Variants in GAP43 observed in about 807,000 individuals in gnomAD.
GAP43 encodes neuromodulin.
In GAP43, 6 loss-of-function variants were observed where a neutral mutation model predicts 18.6. That is an observed-to-expected ratio of 0.32 (90% CI 0.18 to 0.64). GAP43 has a LOEUF of 0.64. Among genes scored for constraint, GAP43 ranks in the 30% least tolerant of loss-of-function variants. GAP43 has a pLI of 0.78. For synonymous variants in GAP43, 115 were observed against 111.4 expected (o/e 1.03, Z -0.20); for missense variants, 292 against 295.5 (o/e 0.99, Z 0.09).
At position 115,676,243 on chromosome 3, in the gene GAP43, T is replaced by TGCC. The variant is rs748693729; in HGVS notation, c.263_265dup (p.Ala88dup). On this transcript the variant is annotated inframe_insertion, in exon 2 of 3. Transcript: ENST00000305124. ...AGAAGAAGGGAGAAGGCACCACTAC[T>TGCC]GCCGAAGCAGCCCCAGCCACTGGCT... 9 of 1,613,978 alleles carry TGCC rather than the reference T, an allele frequency of 5.6e-6. No homozygotes were observed. The highest frequency in any genetic ancestry group is 7.6e-6 in the Non-Finnish European group (9 of 1,180,026).
intron 1 of GAP43, chr3:115,663,669 T>C: frequency 6.9e-7 from 1 of 1,441,364 alleles, no homozygotes; most frequent in Non-Finnish European, 9.1e-7. Context: ...ATTTTATTTC[T>C]ACTTTTCTAT....
At chr3:115,681,639 C>T (rs530590020) in intron 2 of GAP43, among the ~76,000 whole-genome samples, 7 of 152,196 alleles carry the variant, frequency 4.6e-5, no homozygotes, top group African/African-American at 1.4e-4. Flanking sequence ...AAAGGGACTA[C>T]GATAGTTGGT....
intron 2 of GAP43, among the ~76,000 whole-genome samples, chr3:115,698,852 C>T (rs1709258403): frequency 6.6e-6 from 1 of 152,082 alleles, no homozygotes; most frequent in South Asian, 2.1e-4. Context: ...AACTGGTAAT[C>T]CTTCATTTCT....
At chr3:115,673,383 A>G (rs1708838750) in intron 1 of GAP43, among the ~76,000 whole-genome samples, 1 of 152,202 alleles carries the variant, frequency 6.6e-6, no homozygotes, top group Non-Finnish European at 1.5e-5. Context: ...TATGTTCATA[A>G]AGAAAAGACA....
chr3:115,627,129 CTTTCTTTTTTTT>C (rs1250124288), intron 1 of GAP43, among the ~76,000 whole-genome samples: 1 of 78,134 alleles, frequency 1.3e-5, no homozygotes, highest in African/African-American at 5.0e-5. Context: ...TTTCTTTTTT[CTTTCTTTTTTTT>C]TTTTTTTTGC....
chr3:115,676,202 G>A lies in GAP43; in HGVS notation c.220G>A (p.Val74Ile), dbSNP rs775779477. The part of the protein sequence containing the change: ...AEANKKDEAP[V>I]ADGVEKKGEG... Reference sequence around the variant, plus strand: ...AGCTAATAAGAAGGATGAAGCCCCTGTTGCCGATGGGGTGGAGAAGAAGGG... The same window carrying A: ...AGCTAATAAGAAGGATGAAGCCCCTATTGCCGATGGGGTGGAGAAGAAGGG... The change falls in exon 2 of 3, where the codon GTT (valine) becomes ATT (isoleucine). Residue 74 changes from valine (V) to isoleucine (I), a missense_variant. By Grantham distance (29) the Val-to-Ile change is conservative. Transcript: ENST00000305124. 1.9e-6 allele frequency: 3 copies of A among 1,614,186 alleles called. No individual in the cohort carries two copies. The highest frequency in any genetic ancestry group is 2.5e-6 in the Non-Finnish European group (3 of 1,180,034).
intron 1 of GAP43, among the ~76,000 whole-genome samples, chr3:115,672,545 G>T (rs1214389378): frequency 1.3e-5 from 2 of 152,120 alleles, no homozygotes; most frequent in Non-Finnish European, 2.9e-5. Flanking sequence ...AGAATCATTA[G>T]AAATACAAAA....
chr3:115,716,764 A>G lies in GAP43; in HGVS notation c.629-4030A>G. 1.8e-5 allele frequency among the ~76,000 whole-genome samples: 2 copies of G among 112,948 alleles called. 1 individual carries two copies. Among genetic ancestry groups the G allele is most frequent in the Non-Finnish European group, 3.8e-5 (2 of 52,694 alleles). The allele number at this position is 112,948 out of a possible 152,430, so 74.1% of individuals were successfully genotyped here. On this transcript the variant is annotated intron_variant, in intron 2 of 2. Transcript: ENST00000305124. ...TATATATATATATATATATATATAT[A>G]TATACAGAGAGAGAGAGAGAGAGAG...
chr3:115,623,601 C>G lies in GAP43; in HGVS notation c.-89C>G. 1.9e-6 allele frequency: 3 copies of G among 1,539,398 alleles called. No individual in the cohort carries two copies. The South Asian group carries it at 3.4e-5, about 17-fold the overall frequency. On this transcript the variant is annotated 5_prime_UTR_variant, in exon 1 of 3. Coordinates refer to ENST00000305124, the MANE Select transcript of GAP43 (RefSeq NM_002045.4). ...TAGCGCGAGAGAGCGAGTGAGCAAG[C>G]GAGCAGAAAAGAGGTGGAGAGGGGG... is the stretch of plus-strand genomic sequence containing the variant.
intron 1 of GAP43, among the ~76,000 whole-genome samples, chr3:115,630,480 C>T (rs1247138643): frequency 6.6e-6 from 1 of 152,144 alleles, no homozygotes; most frequent in Non-Finnish European, 1.5e-5. Context: ...CTGAAGTAGT[C>T]CTATTGTGCC....
chr3:115,641,165 C>T (rs1708391092), intron 1 of GAP43, among the ~76,000 whole-genome samples: 1 of 151,434 alleles, frequency 6.6e-6, no homozygotes, highest in Non-Finnish European at 1.5e-5. Flanking sequence ...ACACCTGGCC[C>T]TGAAATGTTT....
chr3:115,629,413 T>TC (rs1490098936), intron 1 of GAP43, among the ~76,000 whole-genome samples: 4 of 151,662 alleles, frequency 2.6e-5, no homozygotes, highest in Admixed American at 6.6e-5. Context: ...CTGCTCTTTT[T>TC]TTTTTTTTTA....
intron 2 of GAP43, among the ~76,000 whole-genome samples, chr3:115,697,171 C>A (rs182974938): frequency 3.8e-4 from 54 of 141,602 alleles, no homozygotes; most frequent in Middle Eastern, 3.5e-3. Flanking sequence ...TTACTGCCTT[C>A]TAATATATTA....
intron 2 of GAP43, among the ~76,000 whole-genome samples, chr3:115,696,298 G>C (rs1382810226): frequency 6.6e-6 from 1 of 151,848 alleles, no homozygotes; most frequent in Non-Finnish European, 1.5e-5. Context: ...CTGATACTTA[G>C]GCCATATGCC....
At chr3:115,625,186 C>A (rs1215817467) in intron 1 of GAP43, among the ~76,000 whole-genome samples, 3 of 146,374 alleles carry the variant, frequency 2.0e-5, no homozygotes, top group African/African-American at 7.6e-5. Context: ...AATGTCAGAG[C>A]AGTGGGAGTA....
intron 2 of GAP43, among the ~76,000 whole-genome samples, chr3:115,680,071 T>C (rs906837519): frequency 1.1e-4 from 17 of 152,178 alleles, no homozygotes; most frequent in African/African-American, 3.9e-4. Context: ...TCCTTCCCAT[T>C]CTGTCTCCTT....
chr3:115,677,384 A>C (rs923485231), intron 2 of GAP43, among the ~76,000 whole-genome samples: 1 of 152,234 alleles, frequency 6.6e-6, no homozygotes, highest in East Asian at 1.9e-4. Context: ...TGATTACAAA[A>C]AGGTACTGGA....
At position 115,688,176 on chromosome 3, in the gene GAP43, C is replaced by A. The variant is rs968670627; in HGVS notation, c.628+11566C>A. ...GGATTACAGGAGTGTGCCACCATGC[C>A]CAGCTAATTTTTTGGATTTTTGGTA... On this transcript the variant is annotated intron_variant, in intron 2 of 2. Coordinates refer to ENST00000305124, the MANE Select transcript of GAP43 (RefSeq NM_002045.4). Among the ~76,000 whole-genome samples the A allele has an allele frequency of 7.2e-5, 11 of 151,924 alleles. No individual in the cohort carries two copies. In the East Asian group the frequency reaches 2.1e-3, roughly 29 times the overall value.
At chr3:115,651,116 C>T (rs1324217473) in intron 1 of GAP43, among the ~76,000 whole-genome samples, 2 of 151,902 alleles carry the variant, frequency 1.3e-5, no homozygotes, top group Non-Finnish European at 2.9e-5. Context: ...TGGAAGAGAC[C>T]CTGTCTGGAA....
Sources: allele counts gnomAD v4.1 joint callset (sites outside exome capture counted in the v4.1 genomes callset), GRCh38; gene constraint gnomAD v4.1.1; transcripts MANE v1.5; gene names NCBI Gene and HGNC (gene_info 2026-07-23, HGNC 2026-07-21).